Variants in TP53I13 observed in about 807,000 individuals in gnomAD.
TP53I13 encodes the protein tumor protein p53-inducible protein 13.
Under a neutral mutation model 39.1 loss-of-function variants are expected in TP53I13, and 27 were observed. The ratio of observed to expected loss-of-function variants is 0.69; its 90% CI spans 0.51 to 0.95. The LOEUF (loss-of-function observed/expected upper bound fraction) is 0.95, where lower values mean the gene tolerates loss of function less well. Among genes scored for constraint, TP53I13 ranks in the 40% least tolerant of loss-of-function variants. TP53I13 has a pLI of 0.00. For synonymous variants in TP53I13, 230 were observed against 224.6 expected, an observed-to-expected ratio of 1.02 and a Z score of -0.22; for missense variants, 544 against 520.4, an observed-to-expected ratio of 1.05 and a Z score of -0.44.
chr17:29,567,004 G>A, upstream of TP53I13: 1 of 1,273,096 alleles, frequency 7.9e-7, no homozygotes, highest in Non-Finnish European at 9.9e-7. This position sits in a 1 kb window ranked among gnomAD's most constrained non-coding sequence, Gnocchi z 6.6. Context: ...GCGGGCGGCG[G>A]GGCCGTCTAC....
At chr17:29,567,016 C>A, upstream of TP53I13, 1 of 1,247,064 alleles carries the variant, frequency 8.0e-7, no homozygotes. This position sits in a 1 kb window ranked among gnomAD's most constrained non-coding sequence, Gnocchi z 6.6. Context: ...GCCGTCTACT[C>A]GGCGAGCTCC....
the TP53I13 span, among the ~76,000 whole-genome samples, chr17:29,580,474 A>G: frequency 6.6e-6 from 1 of 152,202 alleles, no homozygotes; most frequent in Non-Finnish European, 1.5e-5. Flanking sequence ...GGACATGGCC[A>G]TCAGAGGTGG....
Position 29,572,077 on chromosome 17 carries a change from G to C in TP53I13, c.513+20G>C, listed in dbSNP as rs1225963598. On this transcript the variant is annotated intron_variant, in intron 5 of 6. Coordinates refer to ENST00000301057, the MANE Select transcript of TP53I13 (RefSeq NM_138349.4). ...GTGCAGGTGAGAGACGCTGGGCCCAGGCTTGTTGGCCCTCGGGTTCTCTGA... is the reference window on the plus strand; with the variant it reads ...GTGCAGGTGAGAGACGCTGGGCCCACGCTTGTTGGCCCTCGGGTTCTCTGA... 1 of 1,612,396 alleles carries C rather than the reference G, an allele frequency of 6.2e-7. No homozygotes were observed. The highest frequency in any genetic ancestry group is 1.3e-5 in the African/African-American group (1 of 74,936).
chr17:29,569,249 G>A (rs1410632438), intron 2 of TP53I13, 69 bp from the exon 3 acceptor site: 1 of 1,558,994 alleles, frequency 6.4e-7, no homozygotes. Context: ...GGGGCCTGCC[G>A]TCCCCTCCCC....
In TP53I13 at chr17:29,572,940, C is replaced by T; in HGVS notation, c.*16C>T. On this transcript the variant is annotated 3_prime_UTR_variant, in exon 7 of 7. Coordinates refer to ENST00000301057, the MANE Select transcript of TP53I13 (RefSeq NM_138349.4). ...CTCGGAGTGACGGCCTGGGACCTGC[C>T]ACTGTGGCGTGCGGCTCCTCCCCGC... 2 of 1,431,232 alleles carry T rather than the reference C, an allele frequency of 1.4e-6. No individual in the cohort carries two copies. The highest frequency in any genetic ancestry group is 2.9e-5 in the East Asian group (1 of 35,042). 88.7% of individuals were successfully genotyped at this position (1,431,232 alleles called of 1,614,324 possible).
downstream of TP53I13, chr17:29,574,336 T>G (rs557945815): frequency 2.6e-5 from 7 of 266,674 alleles, no homozygotes; most frequent in East Asian, 9.8e-5. Context: ...CTCATGGGGG[T>G]GGGGCGCATG....
upstream of TP53I13, chr17:29,566,635 T>G: frequency 6.2e-7 from 1 of 1,607,126 alleles, no homozygotes. Context: ...CAGGACGAAG[T>G]GGCAGAGGGT....
chr17:29,574,591 T>TAA, downstream of TP53I13: 1 of 949,138 alleles, frequency 1.1e-6, no homozygotes, highest in Non-Finnish European at 1.7e-6. Flanking sequence ...GTGGCAGCAC[T>TAA]AAGGGCACTT....
downstream of TP53I13, chr17:29,575,133 G>C (rs1320184750): frequency 6.3e-7 from 1 of 1,599,842 alleles, no homozygotes; most frequent in Non-Finnish European, 8.5e-7. This position sits in a 1 kb window ranked among gnomAD's most constrained non-coding sequence, Gnocchi z 5.5. Context: ...TCTCTGAGCA[G>C]GGCACGAAGC....
Position 29,568,992 on chromosome 17 carries a change from C to T in TP53I13, c.73-26C>T, listed in dbSNP as rs751080212. The T allele has an allele frequency of 1.2e-6, 2 of 1,602,998 alleles. No homozygotes were observed. Among genetic ancestry groups the T allele is most frequent in the Non-Finnish European group, 1.7e-6 (2 of 1,175,996 alleles). On this transcript the variant is annotated intron_variant, in intron 1 of 6. Coordinates refer to ENST00000301057, the MANE Select transcript of TP53I13 (RefSeq NM_138349.4). This position sits in a 1 kb window ranked among gnomAD's most constrained non-coding sequence, Gnocchi z 4.5. ...GGCAGGGCCTCGCCGCGTCCAGCGCCCCAACTCTTCGCTTTGGACCCACAG... is the reference window on the plus strand; with the variant it reads ...GGCAGGGCCTCGCCGCGTCCAGCGCTCCAACTCTTCGCTTTGGACCCACAG...
At chr17:29,573,500 A>T (rs1320445076), downstream of TP53I13, 1 of 152,600 alleles carries the variant, frequency 6.6e-6, no homozygotes, top group African/African-American at 2.4e-5. Context: ...TATTTTTGAT[A>T]CAAATGTACA....
rs1669611041 is a variant in TP53I13, at chr17:29,568,729, G to A, written c.-30G>A. 6.9e-7 allele frequency: 1 copy of A among 1,446,172 alleles called. No homozygotes were observed. The highest frequency in any genetic ancestry group is 9.1e-7 in the Non-Finnish European group (1 of 1,104,484). The allele number at this position is 1,446,172 out of a possible 1,614,324, so 89.6% of individuals were successfully genotyped here. On this transcript the variant is annotated 5_prime_UTR_variant, in exon 1 of 7. Transcript: ENST00000301057. The surrounding 1 kb of genome is among the most constrained non-coding windows in gnomAD (Gnocchi z 4.5). ...CGCTCCCTCGCTGGCGGAGCGGCTG[G>A]GCGGCGGGCCGGGCCCGGGGCCGCT...
Position 29,572,846 on chromosome 17 carries a change from C to G in TP53I13, c.1104C>G (p.Arg368=). ...AGCGGAGGCTGCTGCAGCCCTCGCG[C>G]CGGGTCAAGCGCTCGCGCCGGAGAC... ...VLKRRLLQPS[R]RVKRSRRRPL... The change falls in exon 7 of 7, where the codon CGC becomes CGG. Residue 368 remains arginine (R), a synonymous_variant. Coordinates refer to ENST00000301057, the MANE Select transcript of TP53I13 (RefSeq NM_138349.4). The G allele has an allele frequency of 1.3e-6, 2 of 1,526,180 alleles. No individual in the cohort carries two copies. The highest frequency in any genetic ancestry group is 1.7e-6 in the Non-Finnish European group (2 of 1,143,028). The allele number at this position is 1,526,180 out of a possible 1,614,324, so 94.5% of individuals were successfully genotyped here.
downstream of TP53I13, chr17:29,575,487 G>A (rs1283833492): frequency 6.3e-7 from 1 of 1,593,440 alleles, no homozygotes; most frequent in East Asian, 2.2e-5. The surrounding 1 kb of genome is among the most constrained non-coding windows in gnomAD (Gnocchi z 5.5). Flanking sequence ...CCCAGGTCCA[G>A]AAAACAGAGA....
downstream of TP53I13, chr17:29,576,120 G>A (rs113257610): frequency 1.5e-5 from 24 of 1,613,742 alleles, no homozygotes; most frequent in African/African-American, 5.3e-5. Flanking sequence ...AGATGGCGTC[G>A]TCCTCTAGCT....
chr17:29,576,735 G>A (rs896935495), downstream of TP53I13: 2 of 1,602,244 alleles, frequency 1.2e-6, no homozygotes, highest in Non-Finnish European at 1.7e-6. Context: ...ACCCGCAGGG[G>A]GCAGTTATTG....
At position 29,572,345 on chromosome 17, in the gene TP53I13, C is replaced by A. The variant is rs201768893; in HGVS notation, c.717C>A (p.Ile239=). The change falls in exon 6 of 7, where the codon ATC becomes ATA. Residue 239 remains isoleucine, a synonymous_variant. Transcript: ENST00000301057. ...AGGCCAAGCAGTCCATGGCGGGAAT[C>A]CCTGGTAGGGAGAGTAATGCCCCAT... The part of the protein sequence containing the change: ...SLKAKQSMAG[I]PGRESNAPSV... 3 of 1,611,240 alleles carry A rather than the reference C, an allele frequency of 1.9e-6. No individual in the cohort carries two copies. Among genetic ancestry groups the A allele is most frequent in the Non-Finnish European group, 2.5e-6 (3 of 1,178,726 alleles).
Position 29,572,378 on chromosome 17 carries a change from C to A in TP53I13, c.750C>A (p.Pro250=), listed in dbSNP as rs776543013. ...PGRESNAPSV[P]TVSLLPGAPG... ...GGGAGAGTAATGCCCCATCTGTGCC[C>A]ACTGTCTCCCTGCTGCCGGGGGCGC... is the stretch of plus-strand genomic sequence containing the variant. Residue 250 remains proline, a synonymous_variant, in exon 6 of 7, where the codon CCC becomes CCA. Coordinates refer to ENST00000301057, the MANE Select transcript of TP53I13 (RefSeq NM_138349.4). 8 of 1,600,362 alleles carry A rather than the reference C, an allele frequency of 5.0e-6. No homozygotes were observed. Among genetic ancestry groups the A allele is most frequent in the South Asian group, 4.4e-5 (4 of 90,706 alleles).
At chr17:29,573,268 C>G, downstream of TP53I13, 1 of 246,268 alleles carries the variant, frequency 4.1e-6, no homozygotes, top group Non-Finnish European at 7.7e-6. Context: ...CAACCTGTCC[C>G]TGGACATGGG....
Sources: allele counts gnomAD v4.1 joint callset (sites outside exome capture counted in the v4.1 genomes callset), GRCh38; gene constraint gnomAD v4.1.1; non-coding constraint Gnocchi (gnomAD v3.1); transcripts MANE v1.5; gene names NCBI Gene and HGNC (gene_info 2026-07-23, HGNC 2026-07-21).